ARHGAP24: variants seen among roughly 807,000 people sequenced by gnomAD.
ARHGAP24 encodes rho GTPase-activating protein 24.
Under a neutral mutation model 76.4 loss-of-function variants are expected in ARHGAP24, and 50 were observed. The ratio of observed to expected loss-of-function variants is 0.65; its 90% CI spans 0.52 to 0.83. The LOEUF (loss-of-function observed/expected upper bound fraction) is 0.83. ARHGAP24 is among the 40% of genes least tolerant of loss of function. The pLI is 0.00. For synonymous variants in ARHGAP24, 345 were observed against 323.3 expected (o/e 1.07, Z -0.72); for missense variants, 930 against 914.2 (o/e 1.02, Z -0.22).
At chr4:85,920,848 C>T (rs1735679596) in intron 3 of ARHGAP24, among the ~76,000 whole-genome samples, 1 of 152,092 alleles carries the variant, frequency 6.6e-6, no homozygotes, top group Non-Finnish European at 1.5e-5. Context: ...GTCAGAATGG[C>T]TATTATTAAA....
At chr4:85,774,452 G>T (rs1011287827) in intron 3 of ARHGAP24, among the ~76,000 whole-genome samples, 2 of 152,104 alleles carry the variant, frequency 1.3e-5, no homozygotes, top group Non-Finnish European at 2.9e-5. Context: ...GGCAGGTGAG[G>T]GCAACTTCTT....
intron 1 of ARHGAP24, among the ~76,000 whole-genome samples, chr4:85,559,179 CCTT>C (rs1279590830): frequency 6.6e-6 from 1 of 152,142 alleles, no homozygotes; most frequent in Non-Finnish European, 1.5e-5. Flanking sequence ...ATAAAGCTCT[CCTT>C]CATTACTGCC....
intron 3 of ARHGAP24, among the ~76,000 whole-genome samples, chr4:85,787,489 T>C (rs1727902228): frequency 6.6e-6 from 1 of 152,184 alleles, no homozygotes; most frequent in South Asian, 2.1e-4. Flanking sequence ...ATTTATTTTG[T>C]GACAAATATT....
intron 3 of ARHGAP24, among the ~76,000 whole-genome samples, chr4:85,727,125 C>T (rs1452674172): frequency 6.6e-6 from 1 of 152,096 alleles, no homozygotes; most frequent in Non-Finnish European, 1.5e-5. Context: ...GAGGCTGAGG[C>T]AGGAGAATCC....
chr4:85,575,956 C>T (rs1245646285), intron 2 of ARHGAP24, among the ~76,000 whole-genome samples: 1 of 152,156 alleles, frequency 6.6e-6, no homozygotes, highest in African/African-American at 2.4e-5. Context: ...TTAATGTGGT[C>T]TAGACTTTCT....
intron 4 of ARHGAP24, chr4:85,930,546 C>CA (rs1210210473): frequency 9.8e-7 from 1 of 1,020,316 alleles, no homozygotes; most frequent in Non-Finnish European, 1.2e-6. Context: ...AATCTCAGTC[C>CA]AGCTGAGAAG....
At chr4:85,619,969 G>GT (rs1196854717) in intron 2 of ARHGAP24, among the ~76,000 whole-genome samples, 1 of 151,310 alleles carries the variant, frequency 6.6e-6, no homozygotes, top group African/African-American at 2.4e-5. Context: ...TACATTTATT[G>GT]TTTTGCATAC....
chr4:85,832,013 G>A (rs1730018250), intron 3 of ARHGAP24, among the ~76,000 whole-genome samples: 1 of 152,130 alleles, frequency 6.6e-6, no homozygotes, highest in African/African-American at 2.4e-5. Context: ...AATAGATTAG[G>A]AGGTGATTGT....
At chr4:85,655,808 G>A (rs1367944885) in intron 2 of ARHGAP24, among the ~76,000 whole-genome samples, 2 of 82,074 alleles carry the variant, frequency 2.4e-5, no homozygotes, top group African/African-American at 6.3e-5. Context: ...GAGAGAGAGA[G>A]AGAGAGAGAA....
chr4:85,637,133 A>G (rs1167471263), intron 2 of ARHGAP24, among the ~76,000 whole-genome samples: 1 of 152,070 alleles, frequency 6.6e-6, no homozygotes, highest in Non-Finnish European at 1.5e-5. Flanking sequence ...AAGTGCATGC[A>G]TTTTTCATTT....
chr4:85,692,682 T>C (rs1220294736), intron 2 of ARHGAP24, among the ~76,000 whole-genome samples: 1 of 152,250 alleles, frequency 6.6e-6, no homozygotes, highest in Non-Finnish European at 1.5e-5. Flanking sequence ...TTTGGGTCTT[T>C]CTTAAAATGG....
At chr4:85,784,821 T>C (rs1727732406) in intron 3 of ARHGAP24, among the ~76,000 whole-genome samples, 1 of 152,054 alleles carries the variant, frequency 6.6e-6, no homozygotes, top group Admixed American at 6.6e-5. Context: ...TAATTCCCTC[T>C]TGTTAGCCTA....
At chr4:85,659,167 T>G (rs1026882616) in intron 2 of ARHGAP24, among the ~76,000 whole-genome samples, 1 of 152,176 alleles carries the variant, frequency 6.6e-6, no homozygotes, top group Non-Finnish European at 1.5e-5. Context: ...TATAATGCTG[T>G]TCTCTACAAC....
At chr4:85,849,377 A>G (rs1448812361) in intron 3 of ARHGAP24, among the ~76,000 whole-genome samples, 1 of 152,114 alleles carries the variant, frequency 6.6e-6, no homozygotes, top group East Asian at 1.9e-4. Flanking sequence ...TAAATATACA[A>G]TCATGTTATC....
intron 1 of ARHGAP24, among the ~76,000 whole-genome samples, chr4:85,569,195 T>C (rs568023497): frequency 3.3e-5 from 5 of 152,304 alleles, no homozygotes; most frequent in African/African-American, 1.2e-4. Flanking sequence ...TCAGAAATGA[T>C]AAAACAGGGA....
chr4:85,863,172 A>AT (rs941487324), intron 3 of ARHGAP24, among the ~76,000 whole-genome samples: 16 of 151,968 alleles, frequency 1.1e-4, no homozygotes, highest in African/African-American at 3.9e-4. Context: ...CACAACAAGG[A>AT]TTTTTTTTAA....
Position 85,994,899 on chromosome 4 carries a change from C to T in ARHGAP24, c.1245C>T (p.Ser415=). The T allele has an allele frequency of 1.9e-6, 3 of 1,613,988 alleles. No individual in the cohort carries two copies. The highest frequency in any genetic ancestry group is 2.5e-6 in the Non-Finnish European group (3 of 1,180,004). ...NSVHKLDVSR[S]PPLMVKKNPA... ...TTCACAAGCTAGATGTGTCTAGAAGCCCCCCTCTCATGGTCAAAAAGAACC... is the reference window on the plus strand; with the variant it reads ...TTCACAAGCTAGATGTGTCTAGAAGTCCCCCTCTCATGGTCAAAAAGAACC... The change falls in exon 9 of 10, where the codon AGC becomes AGT. Residue 415 remains serine, a synonymous_variant. Transcript: ENST00000395184.
rs775766860 is a variant in ARHGAP24 at position 85,724,489 on chromosome 4, G to GTATA, written c.268+2518_268+2519insATAT. 3.0e-3 allele frequency among the ~76,000 whole-genome samples: 390 copies of GTATA among 131,370 alleles called. 6 individuals carry two copies. The highest frequency in any genetic ancestry group is 0.01 in the African/African-American group (342 of 33,226). The allele number at this position is 131,370 out of a possible 152,430, so 86.2% of individuals were successfully genotyped here. On this transcript the variant is annotated intron_variant, in intron 3 of 9. Transcript: ENST00000395184. ...GTATGTCCTTATAATTTTTCCATGT[G>GTATA]TGTATATATATATATATATATATAT...
intron 3 of ARHGAP24, among the ~76,000 whole-genome samples, chr4:85,842,065 A>G (rs1188589242): frequency 6.6e-6 from 1 of 152,176 alleles, no homozygotes; most frequent in African/African-American, 2.4e-5. Context: ...TGTATACTAT[A>G]TGTACTGTAC....
Sources: allele counts gnomAD v4.1 joint callset (sites outside exome capture counted in the v4.1 genomes callset), GRCh38; gene constraint gnomAD v4.1.1; transcripts MANE v1.5; gene names NCBI Gene and HGNC (gene_info 2026-07-23, HGNC 2026-07-21).